The following FOLH1 variants were observed in gnomAD, a reference collection of about 807,000 sequenced individuals.
The protein encoded by FOLH1 is folate hydrolase 1.
In FOLH1, 54 loss-of-function variants were observed where a neutral mutation model predicts 93.9. The observed-to-expected ratio is 0.57, with a 90% CI of 0.46 to 0.72. The LOEUF (loss-of-function observed/expected upper bound fraction) is 0.72. FOLH1 is among the 30% of genes least tolerant of loss of function. FOLH1 has a pLI of 0.00. For synonymous variants in FOLH1, 249 were observed against 303.6 expected, an observed-to-expected ratio of 0.82 and a Z score of 1.87; for missense variants, 571 against 892.5, an observed-to-expected ratio of 0.64 and a Z score of 4.59.
In FOLH1 at chr11:49,208,503, T is replaced by C. The variant is rs915815384; in HGVS notation, c.-94A>G. Reference sequence around the variant, plus strand: ...CCACCACGGCGGGGTAAAGTCTCTCTCAATCTCACTAATGCCTCGCTTATC... The same window carrying C: ...CCACCACGGCGGGGTAAAGTCTCTCCCAATCTCACTAATGCCTCGCTTATC... On this transcript the variant is annotated 5_prime_UTR_variant, in exon 1 of 19. Transcript: ENST00000256999. 9.8e-6 allele frequency: 8 copies of C among 812,394 alleles called. No homozygotes were observed. The highest frequency in any genetic ancestry group is 8.7e-5 in the African/African-American group (5 of 57,724). The allele number at this position is 812,394 out of a possible 1,614,324, so 50.3% of individuals were successfully genotyped here.
Position 49,152,327 on chromosome 11 carries a change from T to G in FOLH1, c.1970+1519A>C, listed in dbSNP as rs191945806. Reference sequence around the variant, plus strand: ...GAAATACTATGTCAAAGCACAGGACTCTGTGACAGCTCTTGAACACATTAG... The same window carrying G: ...GAAATACTATGTCAAAGCACAGGACGCTGTGACAGCTCTTGAACACATTAG... On this transcript the variant is annotated intron_variant, in intron 17 of 18. Coordinates refer to ENST00000256999, the MANE Select transcript of FOLH1 (RefSeq NM_004476.3). Among the ~76,000 whole-genome samples, 902 of 152,290 alleles carry G rather than the reference T, an allele frequency of 5.9e-3. 13 individuals carry two copies. Among genetic ancestry groups the G allele is most frequent in the African/African-American group, 0.021 (863 of 41,564 alleles).
Position 49,185,908 on chromosome 11 carries a change from C to A in FOLH1, c.640-53G>T, listed in dbSNP as rs563926146. On this transcript the variant is annotated intron_variant, in intron 5 of 18. Coordinates refer to ENST00000256999, the MANE Select transcript of FOLH1 (RefSeq NM_004476.3). The stretch of plus-strand genomic sequence containing the variant: ...TATTTTAAATTGGTTGTTCCAGATT[C>A]GGTAATATCAATTTTCAATATTACA... The A allele has an allele frequency of 7.4e-6, 11 of 1,493,334 alleles. No homozygotes were observed. The East Asian group carries it at 2.6e-4, about 36-fold the overall frequency. The allele number at this position is 1,493,334 out of a possible 1,614,324, so 92.5% of individuals were successfully genotyped here.
At chr11:49,149,261 G>A (rs1856180471) in intron 17 of FOLH1, among the ~76,000 whole-genome samples, 1 of 152,104 alleles carries the variant, frequency 6.6e-6, no homozygotes, top group African/African-American at 2.4e-5. Flanking sequence ...AAGTCTAAAA[G>A]TTACTTAAAA....
chr11:49,177,043 C>G (rs1028522693), intron 7 of FOLH1, among the ~76,000 whole-genome samples: 2 of 152,174 alleles, frequency 1.3e-5, no homozygotes, highest in Non-Finnish European at 2.9e-5. Flanking sequence ...TGCCTGTACA[C>G]GGGTGCTTGT....
chr11:49,160,642 CTG>C (rs1453086786), intron 13 of FOLH1, among the ~76,000 whole-genome samples: 6 of 152,106 alleles, frequency 3.9e-5, no homozygotes, highest in African/African-American at 1.4e-4. Context: ...CGGGGTTTCA[CTG>C]TGTTTGCCAG....
At chr11:49,170,910 T>G (rs576950330) in intron 11 of FOLH1, among the ~76,000 whole-genome samples, 2 of 152,278 alleles carry the variant, frequency 1.3e-5, no homozygotes, top group African/African-American at 4.8e-5. Context: ...GATGTTTGGT[T>G]TCTAGCATAT....
chr11:49,201,859 A>G (rs1387613443), intron 2 of FOLH1, among the ~76,000 whole-genome samples: 2 of 152,188 alleles, frequency 1.3e-5, no homozygotes, highest in African/African-American at 2.4e-5. Context: ...GAACCTACTC[A>G]CAAAAAAGTG....
intron 13 of FOLH1, chr11:49,163,006 G>C (rs1857896716): frequency 6.6e-6 from 1 of 152,134 alleles, no homozygotes; most frequent in Admixed American, 6.5e-5. Flanking sequence ...AGACCTGTAG[G>C]AGGTGGCTGG....
At chr11:49,148,510 A>G (rs990120962) in intron 18 of FOLH1, 129 bp downstream of exon 18, 4 of 638,018 alleles carry the variant, frequency 6.3e-6, no homozygotes, top group Non-Finnish European at 1.1e-5. Context: ...ATCACTTACT[A>G]CATATATTTT....
At chr11:49,165,705 G>C (rs1858306784) in intron 12 of FOLH1, among the ~76,000 whole-genome samples, 1 of 152,174 alleles carries the variant, frequency 6.6e-6, no homozygotes, top group African/African-American at 2.4e-5. Flanking sequence ...CTCAGAGGAT[G>C]GCAACTAGCT....
chr11:49,173,142 T>G (rs1859565529), intron 10 of FOLH1, among the ~76,000 whole-genome samples: 1 of 152,140 alleles, frequency 6.6e-6, no homozygotes, highest in Admixed American at 6.5e-5. Context: ...TATTTCAGAT[T>G]ATCACTTAAT....
Position 49,208,422 on chromosome 11 carries a change from A to C in FOLH1, c.-13T>G. ...GGAGATTCCACATCTCGGCGCGAGC[A>C]GAGCCGGCCTCCCGGGACCCGCGCC... On this transcript the variant is annotated 5_prime_UTR_variant, in exon 1 of 19. Coordinates refer to ENST00000256999, the MANE Select transcript of FOLH1 (RefSeq NM_004476.3). The C allele has an allele frequency of 6.3e-7, 1 of 1,575,904 alleles. No individual in the cohort carries two copies. Among genetic ancestry groups the C allele is most frequent in the Non-Finnish European group, 8.7e-7 (1 of 1,156,002 alleles).
intron 7 of FOLH1, 146 bp downstream of exon 7, chr11:49,183,003 C>T (rs916207808): frequency 1.6e-6 from 1 of 623,774 alleles, no homozygotes; most frequent in African/African-American, 1.9e-5. Flanking sequence ...AACAGAACCA[C>T]TCTTCTATTT....
intron 11 of FOLH1, among the ~76,000 whole-genome samples, chr11:49,170,360 T>C (rs1859102767): frequency 6.6e-6 from 1 of 152,140 alleles, no homozygotes. Flanking sequence ...CACGCCTGTA[T>C]TCCTAGCACT....
In FOLH1 at chr11:49,146,769, C is replaced by G. The variant is rs1411088982; in HGVS notation, c.2240G>C (p.Ser747Thr). ...FTVQAAAETL[S>T]EVA is the part of the protein sequence containing the mutation. The stretch of plus-strand genomic sequence containing the variant: ...TAAAGAATCCTCTTAGGCTACTTCA[C>G]TCAAAGTCTCTGCAGCTGCCTGCAC... Residue 747 changes from serine (S) to threonine (T), a missense_variant, in exon 19 of 19, where the codon AGT becomes ACT. By Grantham distance (58) the Ser-to-Thr change is moderately conservative. This residue lies in a region of FOLH1 where 500 missense variants were observed against 822.9 expected (regional missense o/e 0.61). Coordinates refer to ENST00000256999, the MANE Select transcript of FOLH1 (RefSeq NM_004476.3). The G allele has an allele frequency of 6.2e-7, 1 of 1,611,124 alleles. No individual in the cohort carries two copies. The highest frequency in any genetic ancestry group is 8.5e-7 in the Non-Finnish European group (1 of 1,178,616).
chr11:49,155,837 A>ATATAG (rs1390925070), intron 15 of FOLH1, among the ~76,000 whole-genome samples: 6 of 41,288 alleles, frequency 1.5e-4, no homozygotes, highest in Non-Finnish European at 4.1e-4. Flanking sequence ...TATATATATA[A>ATATAG]TCAACAACAA....
chr11:49,159,203 G>A (rs1857361566), intron 13 of FOLH1, among the ~76,000 whole-genome samples: 1 of 152,108 alleles, frequency 6.6e-6, no homozygotes, highest in Non-Finnish European at 1.5e-5. Context: ...TCCTTATTTT[G>A]TGTCGGTTTT....
intron 3 of FOLH1, among the ~76,000 whole-genome samples, chr11:49,196,705 C>T (rs12807822): frequency 6.6e-6 from 1 of 152,018 alleles, no homozygotes; most frequent in African/African-American, 2.4e-5. Context: ...TAAATCCATA[C>T]AGCAAAAAAT....
chr11:49,186,600 T>G lies in FOLH1; in HGVS notation c.639+44A>C, dbSNP rs760500855. ...TACACATGTAAAACCCACTATAACT[T>G]TTTACATTGGGGGAGAGAAAAAAAG... is the stretch of plus-strand genomic sequence containing the variant. On this transcript the variant is annotated intron_variant, in intron 5 of 18. Coordinates refer to ENST00000256999, the MANE Select transcript of FOLH1 (RefSeq NM_004476.3). 3.8e-5 allele frequency: 60 copies of G among 1,576,858 alleles called. 1 individual carries two copies. The South Asian group carries it at 6.5e-4, about 17-fold the overall frequency.
Sources: allele counts gnomAD v4.1 joint callset (sites outside exome capture counted in the v4.1 genomes callset), GRCh38; gene constraint gnomAD v4.1.1; regional missense constraint gnomAD v4.1.1; transcripts MANE v1.5; gene names NCBI Gene and HGNC (gene_info 2026-07-23, HGNC 2026-07-21).